The following SLC22A23 variants were observed in gnomAD, a reference collection of about 807,000 sequenced individuals.
The protein encoded by SLC22A23 is ion transporter protein.
Under a neutral mutation model 61.0 loss-of-function variants are expected in SLC22A23, and 26 were observed. The observed-to-expected ratio is 0.43, with a 90% CI of 0.31 to 0.59. The LOEUF (loss-of-function observed/expected upper bound fraction) is 0.59. Ranked by LOEUF, SLC22A23 falls within the 20% of genes least tolerant of loss-of-function variation. SLC22A23 has a pLI of 0.11. For missense variants in SLC22A23, 796 were observed against 934.7 expected (o/e 0.85, Z 1.94); for synonymous variants, 430 against 413.9 (o/e 1.04, Z -0.47).
At chr6:3,384,068 A>G (rs1767127019) in intron 3 of SLC22A23, among the ~76,000 whole-genome samples, 3 of 152,208 alleles carry the variant, frequency 2.0e-5, no homozygotes, top group African/African-American at 2.4e-5. Flanking sequence ...AAGAACAAAA[A>G]CGGTGCCAGG....
intron 5 of SLC22A23, chr6:3,291,747 A>C (rs1378944080): frequency 6.6e-6 from 1 of 152,240 alleles, no homozygotes; most frequent in Non-Finnish European, 1.5e-5. Context: ...TATCTTTGCT[A>C]TTATAGAACT....
Position 3,322,506 on chromosome 6 carries a change from G to T in SLC22A23, c.1082+1328C>A, listed in dbSNP as rs944615960. Reference sequence around the variant, plus strand: ...GGGAGGGGTTTGGACATCCAACTTCGGGACAAGAGCTGGAGGCGGCCCCAG... The same window carrying T: ...GGGAGGGGTTTGGACATCCAACTTCTGGACAAGAGCTGGAGGCGGCCCCAG... On this transcript the variant is annotated intron_variant, in intron 4 of 9. Coordinates refer to ENST00000406686, the MANE Select transcript of SLC22A23 (RefSeq NM_015482.2). This position sits in a 1 kb window ranked among gnomAD's most constrained non-coding sequence, Gnocchi z 4.1. Among the ~76,000 whole-genome samples, 3 of 152,184 alleles carry T rather than the reference G, an allele frequency of 2.0e-5. No homozygotes were observed. Among genetic ancestry groups the T allele is most frequent in the Non-Finnish European group, 4.4e-5 (3 of 68,036 alleles).
intron 1 of SLC22A23, chr6:3,438,564 C>G (rs747469646): frequency 8.8e-6 from 4 of 456,064 alleles, no homozygotes; most frequent in Admixed American, 7.1e-5. Flanking sequence ...CACTATAAAA[C>G]CACCGTAATA....
chr6:3,336,075 C>T (rs564100319), intron 3 of SLC22A23, among the ~76,000 whole-genome samples: 9 of 147,464 alleles, frequency 6.1e-5, no homozygotes, highest in South Asian at 2.2e-4. Context: ...GGCGAAAGAG[C>T]GAGACTCCAT....
chr6:3,437,386 T>A (rs923413015), intron 1 of SLC22A23, among the ~76,000 whole-genome samples: 2 of 151,926 alleles, frequency 1.3e-5, no homozygotes, highest in African/African-American at 4.8e-5. Context: ...TCTTTTAAAA[T>A]GAAATAATAG....
intron 9 of SLC22A23, among the ~76,000 whole-genome samples, chr6:3,279,145 C>T (rs1025579040): frequency 6.6e-6 from 1 of 152,110 alleles, no homozygotes; most frequent in African/African-American, 2.4e-5. Flanking sequence ...CAAATGTACA[C>T]ATGCATATAT....
intron 3 of SLC22A23, among the ~76,000 whole-genome samples, chr6:3,363,804 G>A (rs1299767445): frequency 2.0e-5 from 3 of 152,244 alleles, no homozygotes; most frequent in Non-Finnish European, 4.4e-5. Context: ...TCTACTACAT[G>A]GTTACTCCAG....
At chr6:3,276,206 CCT>C (rs1343217415) in intron 9 of SLC22A23, among the ~76,000 whole-genome samples, 8 of 152,286 alleles carry the variant, frequency 5.3e-5, no homozygotes, top group Middle Eastern at 3.4e-3. Context: ...GAAATGACTG[CCT>C]CTCTGTTGGT....
intron 3 of SLC22A23, among the ~76,000 whole-genome samples, chr6:3,395,352 C>T (rs1767938616): frequency 6.6e-6 from 1 of 152,116 alleles, no homozygotes; most frequent in African/African-American, 2.4e-5. Flanking sequence ...ATCTCACATG[C>T]GTACGGCAAA....
chr6:3,380,679 G>A (rs998707054), intron 3 of SLC22A23, among the ~76,000 whole-genome samples: 1 of 152,126 alleles, frequency 6.6e-6, no homozygotes, highest in Non-Finnish European at 1.5e-5. Context: ...CAAGGACGGG[G>A]AAAACTGCAG....
intron 3 of SLC22A23, among the ~76,000 whole-genome samples, chr6:3,397,455 G>T (rs1429202633): frequency 6.6e-6 from 1 of 152,180 alleles, no homozygotes; most frequent in East Asian, 1.9e-4. Context: ...TGGCTTAAAG[G>T]CATCTCTAGC....
chr6:3,317,628 C>T lies in SLC22A23; in HGVS notation c.1082+6206G>A, dbSNP rs549649775. The stretch of plus-strand genomic sequence containing the variant: ...GCGCTAAATCCCTGCTGCTCTTTAC[C>T]GAGTGACAATCAATGCCTGAGCAAA... On this transcript the variant is annotated intron_variant, in intron 4 of 9. Transcript: ENST00000406686. The surrounding 1 kb of genome is among the most constrained non-coding windows in gnomAD (Gnocchi z 4.4). Among the ~76,000 whole-genome samples, 27 of 152,142 alleles carry T rather than the reference C, an allele frequency of 1.8e-4. No homozygotes were observed. The highest frequency in any genetic ancestry group is 4.1e-4 in the South Asian group (2 of 4,830).
chr6:3,413,239 C>T (rs1769397967), intron 2 of SLC22A23, among the ~76,000 whole-genome samples: 1 of 152,200 alleles, frequency 6.6e-6, no homozygotes, highest in East Asian at 1.9e-4. Flanking sequence ...AAGGATGGTC[C>T]TGGCCCCAGA....
Position 3,453,349 on chromosome 6 carries a change from G to A in SLC22A23, c.654+2557C>T, listed in dbSNP as rs1376486591. 8.5e-5 allele frequency among the ~76,000 whole-genome samples: 13 copies of A among 152,092 alleles called. No individual in the cohort carries two copies. The East Asian group carries it at 1.2e-3, about 13-fold the overall frequency. On this transcript the variant is annotated intron_variant, in intron 1 of 9. Transcript: ENST00000406686. ...CCTTCCTGCAAGGAAAAGCAACTAC[G>A]GGATGGACTAGCTGCCTTGTTAACA...
At chr6:3,452,599 TAAAAAAAAAAAAAAAAAAA>T (rs570923626) in intron 1 of SLC22A23, among the ~76,000 whole-genome samples, 68 of 40,558 alleles carry the variant, frequency 1.7e-3, no homozygotes, top group East Asian at 2.9e-3. Context: ...AGACGCTGTC[TAAAAAAAAAAAAAAAAAAA>T]AAAAAAAAAA....
At chr6:3,415,896 A>G in intron 1 of SLC22A23, 41 bp from the exon 2 acceptor site, 1 of 1,413,184 alleles carries the variant, frequency 7.1e-7, no homozygotes, top group Middle Eastern at 1.7e-4. Context: ...AGAGAAACAT[A>G]CACAGAGCTA....
intron 3 of SLC22A23, among the ~76,000 whole-genome samples, chr6:3,378,969 G>C (rs1452962785): frequency 6.6e-6 from 1 of 152,104 alleles, no homozygotes; most frequent in Non-Finnish European, 1.5e-5. Context: ...TCAGTGTCAG[G>C]TTTTAACATG....
intron 3 of SLC22A23, among the ~76,000 whole-genome samples, chr6:3,336,049 A>G (rs1367721733): frequency 6.6e-6 from 1 of 151,732 alleles, no homozygotes; most frequent in Non-Finnish European, 1.5e-5. Context: ...AGATGGCGCC[A>G]CTGCTCTCCG....
At chr6:3,403,828 C>A (rs967815567) in intron 3 of SLC22A23, among the ~76,000 whole-genome samples, 8 of 152,192 alleles carry the variant, frequency 5.3e-5, no homozygotes, top group African/African-American at 1.9e-4. Context: ...ATTTTCTCCA[C>A]GAGTTATCCC....
Sources: gnomAD v4.1 joint callset for allele counts (sites outside exome capture counted in the v4.1 genomes callset) on GRCh38, gnomAD v4.1.1 for gene constraint, Gnocchi (gnomAD v3.1) non-coding constraint, MANE v1.5 for transcripts, NCBI Gene and HGNC (gene_info 2026-07-23, HGNC 2026-07-21) for gene names.